The following CSMD3 variants were observed in gnomAD, a reference collection of about 807,000 sequenced individuals.
CSMD3 encodes CUB and sushi domain-containing protein 3.
Under a neutral mutation model 435.2 loss-of-function variants are expected in CSMD3, and 177 were observed. That is an observed-to-expected ratio of 0.41 (90% CI 0.36 to 0.46). The LOEUF (loss-of-function observed/expected upper bound fraction) is 0.46. CSMD3 is among the 20% of genes least tolerant of loss of function. The probability of loss-of-function intolerance (pLI) is 0.34; values close to 1 mark genes in which losing one functional copy is unlikely to be tolerated. For synonymous variants in CSMD3, 1,656 were observed against 1,520.5 expected (o/e 1.09, Z -2.07); for missense variants, 4,265 against 4,504.6 (o/e 0.95, Z 1.52).
intron 13 of CSMD3, among the ~76,000 whole-genome samples, chr8:112,747,294 T>A (rs1345253484): frequency 7.0e-6 from 1 of 143,864 alleles, no homozygotes; most frequent in African/African-American, 2.6e-5. Flanking sequence ...ACTTCAAGAG[T>A]AGACCTACTA....
At chr8:112,982,569 T>C (rs538743204) in intron 6 of CSMD3, among the ~76,000 whole-genome samples, 1 of 152,076 alleles carries the variant, frequency 6.6e-6, no homozygotes, top group East Asian at 1.9e-4. Flanking sequence ...TAAAATCTTG[T>C]GGAACAGCTG....
At chr8:112,591,940 TA>T (rs1050407384) in intron 22 of CSMD3, among the ~76,000 whole-genome samples, 1 of 151,980 alleles carries the variant, frequency 6.6e-6, no homozygotes, top group African/African-American at 2.4e-5. Context: ...TATGTGTCCC[TA>T]AAAAAGCAAA....
intron 32 of CSMD3, among the ~76,000 whole-genome samples, chr8:112,443,593 G>GT (rs1479264664): frequency 6.6e-6 from 1 of 151,814 alleles, no homozygotes; most frequent in African/African-American, 2.4e-5. Context: ...TTCTTTTTAT[G>GT]TTTTTTTGGT....
intron 3 of CSMD3, among the ~76,000 whole-genome samples, chr8:113,235,436 G>A (rs965612812): frequency 2.0e-5 from 3 of 152,028 alleles, no homozygotes; most frequent in South Asian, 4.1e-4. Context: ...ACAGAGTCAG[G>A]TATAAGAATA....
At chr8:113,358,169 A>G (rs2094245714) in intron 1 of CSMD3, among the ~76,000 whole-genome samples, 2 of 152,222 alleles carry the variant, frequency 1.3e-5, no homozygotes, top group African/African-American at 4.8e-5. Context: ...ATAGCACAAT[A>G]CCTAAATGAA....
At chr8:112,453,555 AG>A (rs1251291893) in intron 32 of CSMD3, among the ~76,000 whole-genome samples, 1 of 152,132 alleles carries the variant, frequency 6.6e-6, no homozygotes, top group African/African-American at 2.4e-5. Flanking sequence ...AATCTAACTA[AG>A]GGGGTGAAAG....
chr8:112,252,697 A>C (rs894531162), intron 63 of CSMD3, among the ~76,000 whole-genome samples: 1 of 148,620 alleles, frequency 6.7e-6, no homozygotes, highest in African/African-American at 2.4e-5. Flanking sequence ...ATATATATAT[A>C]TATATATATA....
intron 32 of CSMD3, among the ~76,000 whole-genome samples, chr8:112,427,314 G>T (rs141247263): frequency 0.011 from 1,607 of 152,158 alleles, 26 homozygotes; most frequent in African/African-American, 0.037. Context: ...ATACCCATGT[G>T]TCATGGGAGG....
intron 13 of CSMD3, among the ~76,000 whole-genome samples, chr8:112,750,277 T>C (rs2077537071): frequency 6.6e-6 from 1 of 151,500 alleles, no homozygotes; most frequent in Non-Finnish European, 1.5e-5. Flanking sequence ...TATATTATTG[T>C]ATAAAATGTA....
At chr8:113,221,354 T>TACACACACACACAC (rs147263614) in intron 3 of CSMD3, among the ~76,000 whole-genome samples, 8,446 of 141,786 alleles carry the variant, frequency 0.06, 324 homozygotes, top group Non-Finnish European at 0.089. Flanking sequence ...CAGACACAGT[T>TACACACACACACAC]ACACACACAC....
chr8:112,307,664 T>C (rs1821576931), intron 50 of CSMD3, among the ~76,000 whole-genome samples: 1 of 152,134 alleles, frequency 6.6e-6, no homozygotes. Context: ...TGAATATGAG[T>C]GTCATTCCAG....
chr8:113,183,323 T>C (rs1340114923), intron 3 of CSMD3, among the ~76,000 whole-genome samples: 7 of 152,034 alleles, frequency 4.6e-5, no homozygotes, highest in African/African-American at 1.4e-4. Context: ...ATGACTCATA[T>C]AATTTATTTG....
intron 30 of CSMD3, among the ~76,000 whole-genome samples, chr8:112,500,229 T>C (rs1420254378): frequency 6.6e-6 from 1 of 151,956 alleles, no homozygotes; most frequent in Non-Finnish European, 1.5e-5. Flanking sequence ...TATTAAACAG[T>C]GTTAACAAAA....
intron 31 of CSMD3, among the ~76,000 whole-genome samples, chr8:112,491,115 G>A (rs1389139512): frequency 6.6e-6 from 1 of 152,082 alleles, no homozygotes; most frequent in South Asian, 2.1e-4. Context: ...CCAGAGAAGG[G>A]TAAGTCAGAA....
intron 5 of CSMD3, among the ~76,000 whole-genome samples, chr8:113,050,879 T>A (rs2088058141): frequency 6.6e-6 from 1 of 152,094 alleles, no homozygotes; most frequent in African/African-American, 2.4e-5. Context: ...TTCTTTCAAC[T>A]ACATAATTTG....
intron 46 of CSMD3, among the ~76,000 whole-genome samples, chr8:112,319,696 A>AG (rs1822808307): frequency 6.6e-6 from 1 of 152,168 alleles, no homozygotes; most frequent in African/African-American, 2.4e-5. Flanking sequence ...TGTACATTCC[A>AG]GAAAAACAAA....
Position 113,030,444 on chromosome 8 carries a change from A to T in CSMD3, c.918-11265T>A, listed in dbSNP as rs1219217628. 3.1e-3 allele frequency among the ~76,000 whole-genome samples: 471 copies of T among 149,668 alleles called. 4 individuals carry two copies. Among genetic ancestry groups the T allele is most frequent in the African/African-American group, 0.011 (438 of 41,190 alleles). On this transcript the variant is annotated intron_variant, in intron 5 of 70. Coordinates refer to ENST00000297405, the MANE Select transcript of CSMD3 (RefSeq NM_198123.2). ...AAAAAAAAAAAAAAAAAAAAAAAAA[A>T]AGATAAGCATGTAGGCCAATGGAAC...
chr8:113,049,401 G>C (rs1274657839), intron 5 of CSMD3, among the ~76,000 whole-genome samples: 1 of 146,990 alleles, frequency 6.8e-6, no homozygotes, highest in Admixed American at 6.7e-5. Flanking sequence ...TGTTCTAGTA[G>C]GAAAAAAAAA....
In CSMD3 at chr8:112,241,773, A is replaced by G. The variant is rs1443289861; in HGVS notation, c.10415T>C (p.Ile3472Thr). 1 of 1,612,116 alleles carries G rather than the reference A, an allele frequency of 6.2e-7. No homozygotes were observed. Among genetic ancestry groups the G allele is most frequent in the East Asian group, 2.2e-5 (1 of 44,836 alleles). ...TGCAGGTCTAGGATCTTTCACCAAT[A>G]TTTTAGAACCAGCTATGAAAAGAAA... ...KVPICEAGSK[I>T]LVKDPRPALG... Residue 3472 changes from isoleucine to threonine, a missense_variant, in exon 66 of 71, where the codon ATA becomes ACA. Around this residue, in one of 3 missense-constraint regions of CSMD3, gnomAD observed 3,255 missense variants for 3,380.2 expected, o/e 0.96. Transcript: ENST00000297405.
Sources: allele counts gnomAD v4.1 joint callset (sites outside exome capture counted in the v4.1 genomes callset), GRCh38; gene constraint gnomAD v4.1.1; regional missense constraint gnomAD v4.1.1; transcripts MANE v1.5; gene names NCBI Gene and HGNC (gene_info 2026-07-23, HGNC 2026-07-21).